Variants in TAPT1 observed in about 807,000 individuals in gnomAD.
TAPT1 encodes the protein transmembrane anterior posterior transformation protein 1 homolog.
TAPT1 carries 28 observed loss-of-function variants against 65.6 expected under a neutral mutation model. The observed-to-expected ratio is 0.43, with a 90% CI of 0.32 to 0.59. The LOEUF (loss-of-function observed/expected upper bound fraction) is 0.59, where lower values mean the gene tolerates loss of function less well. TAPT1 is among the 20% of genes least tolerant of loss of function. The pLI is 0.09. For missense variants in TAPT1, 563 were observed against 679.9 expected (o/e 0.83, Z 1.91); for synonymous variants, 278 against 245.2 (o/e 1.13, Z -1.25).
Position 16,188,319 on chromosome 4 carries a change from T to C in TAPT1, c.649A>G (p.Ile217Val), listed in dbSNP as rs761241174. The C allele has an allele frequency of 3.7e-6, 6 of 1,603,782 alleles. No individual in the cohort carries two copies. Among genetic ancestry groups the C allele is most frequent in the Admixed American group, 1.7e-5 (1 of 58,484 alleles). Residue 217 changes from isoleucine to valine, a missense_variant, in exon 5 of 14, where the codon ATA becomes GTA. Physicochemically the swap from Ile to Val is conservative, Grantham distance 29. Coordinates refer to ENST00000405303, the MANE Select transcript of TAPT1 (RefSeq NM_153365.3). The stretch of plus-strand genomic sequence containing the variant: ...GCTGTCCAATAGAGAGCATCTAATA[T>C]GTCTTGTCCAAAAGATGAAAACAGA... ...DRLFSSFGQDILDALYWTATE... is the reference protein window; with the variant it reads ...DRLFSSFGQDVLDALYWTATE...
chr4:16,187,526 A>T (rs959379157), intron 5 of TAPT1, among the ~76,000 whole-genome samples: 7 of 152,146 alleles, frequency 4.6e-5, no homozygotes, highest in Admixed American at 3.9e-4. Context: ...TTACCCTCAC[A>T]GGTATCTTCC....
intron 4 of TAPT1, among the ~76,000 whole-genome samples, chr4:16,189,824 G>A (rs58468710): frequency 0.066 from 10,094 of 152,244 alleles, 1,034 homozygotes; most frequent in African/African-American, 0.22. Context: ...CCTTGAGAGG[G>A]CTTTGTAAGT....
At chr4:16,170,753 A>G (rs942545422) in intron 11 of TAPT1, 24 bp from the exon 12 acceptor site, 1 of 1,556,492 alleles carries the variant, frequency 6.4e-7, no homozygotes, top group Non-Finnish European at 8.9e-7. Context: ...AACCAAAACA[A>G]CAAAAACACA....
intron 2 of TAPT1, among the ~76,000 whole-genome samples, chr4:16,205,234 G>A (rs149020224): frequency 3.9e-5 from 6 of 152,312 alleles, no homozygotes; most frequent in African/African-American, 7.2e-5. Flanking sequence ...TAAAATGAAA[G>A]AAGCATAATG....
Position 16,176,143 on chromosome 4 carries a change from A to T in TAPT1, c.1083T>A (p.Thr361=). The change falls in exon 9 of 14, where the codon ACT becomes ACA. Residue 361 remains threonine (T), a synonymous_variant. Coordinates refer to ENST00000405303, the MANE Select transcript of TAPT1 (RefSeq NM_153365.3). ...CATCTGCAGTAATGTCATTGAATTTAGTAATAAAGGCATGTTTTACAATAT... is the reference window on the plus strand; with the variant it reads ...CATCTGCAGTAATGTCATTGAATTTTGTAATAAAGGCATGTTTTACAATAT... ...AVDIVKHAFI[T]KFNDITADVY... 6.4e-7 allele frequency: 1 copy of T among 1,553,174 alleles called. No homozygotes were observed. The highest frequency in any genetic ancestry group is 8.7e-7 in the Non-Finnish European group (1 of 1,144,298).
chr4:16,180,621 T>C (rs1466661153), intron 7 of TAPT1, among the ~76,000 whole-genome samples: 1 of 152,190 alleles, frequency 6.6e-6, no homozygotes, highest in African/African-American at 2.4e-5. Flanking sequence ...CATGGGACTG[T>C]CTTTGCTTCT....
upstream of TAPT1, chr4:16,227,280 A>G: frequency 2.2e-6 from 1 of 455,470 alleles, no homozygotes; most frequent in Non-Finnish European, 4.4e-6. Flanking sequence ...GGGTTAGGAG[A>G]CAGCCCTTGG....
chr4:16,224,396 G>A (rs1751431109), intron 1 of TAPT1, among the ~76,000 whole-genome samples: 6 of 152,198 alleles, frequency 3.9e-5, no homozygotes, highest in Admixed American at 2.6e-4. Flanking sequence ...GCTAGCAGTG[G>A]CAGGAGCTAT....
intron 12 of TAPT1, among the ~76,000 whole-genome samples, chr4:16,168,112 T>C (rs1301751354): frequency 1.6e-5 from 2 of 127,744 alleles, no homozygotes; most frequent in African/African-American, 3.5e-5. Context: ...AGTGAAGAAG[T>C]TGGTTTTCTT....
chr4:16,169,063 G>A (rs1747823909), intron 12 of TAPT1, among the ~76,000 whole-genome samples: 1 of 152,224 alleles, frequency 6.6e-6, no homozygotes, highest in Non-Finnish European at 1.5e-5. Flanking sequence ...CATGGACAAG[G>A]TAGTTTTGAG....
intron 3 of TAPT1, among the ~76,000 whole-genome samples, chr4:16,202,075 A>C (rs996041075): frequency 5.9e-5 from 9 of 152,146 alleles, no homozygotes; most frequent in Admixed American, 5.2e-4. Context: ...TCCAGCCTAG[A>C]ACCCTGTCCT....
At chr4:16,216,472 C>A (rs1051171927) in intron 1 of TAPT1, among the ~76,000 whole-genome samples, 1 of 152,178 alleles carries the variant, frequency 6.6e-6, no homozygotes, top group African/African-American at 2.4e-5. Flanking sequence ...GTCATATTTC[C>A]AACAGCCTCC....
chr4:16,216,916 G>A (rs1031218310), intron 1 of TAPT1, among the ~76,000 whole-genome samples: 5 of 152,086 alleles, frequency 3.3e-5, no homozygotes, highest in Admixed American at 1.3e-4. Flanking sequence ...TTCTCAGTGC[G>A]GGCCATCCCA....
chr4:16,220,070 A>G (rs767458659), intron 1 of TAPT1, among the ~76,000 whole-genome samples: 2 of 152,196 alleles, frequency 1.3e-5, no homozygotes, highest in Non-Finnish European at 2.9e-5. Flanking sequence ...AGCGCCACTC[A>G]ATCTCCAGTG....
At chr4:16,196,203 A>C (rs369372827) in intron 3 of TAPT1, among the ~76,000 whole-genome samples, 5 of 152,258 alleles carry the variant, frequency 3.3e-5, no homozygotes, top group African/African-American at 1.2e-4. Flanking sequence ...AGTTTGACTC[A>C]TATGTAACAG....
intron 4 of TAPT1, 137 bp downstream of exon 4, chr4:16,191,224 T>C (rs1560169245): frequency 2.4e-6 from 2 of 838,024 alleles, no homozygotes; most frequent in Non-Finnish European, 1.8e-6. Context: ...AGCCCCCAAG[T>C]GATGACAGCA....
intron 1 of TAPT1, among the ~76,000 whole-genome samples, chr4:16,221,030 A>G (rs938018933): frequency 6.6e-6 from 1 of 152,046 alleles, no homozygotes; most frequent in East Asian, 1.9e-4. Flanking sequence ...TACCGTGCCC[A>G]GCCGTCAACT....
At chr4:16,168,018 T>A (rs911718451) in intron 12 of TAPT1, among the ~76,000 whole-genome samples, 1 of 152,150 alleles carries the variant, frequency 6.6e-6, no homozygotes, top group Non-Finnish European at 1.5e-5. Flanking sequence ...AGAATATGAA[T>A]ATTTTAAGGC....
intron 2 of TAPT1, among the ~76,000 whole-genome samples, chr4:16,207,052 G>A (rs1750389158): frequency 6.6e-6 from 1 of 152,210 alleles, no homozygotes; most frequent in African/African-American, 2.4e-5. Flanking sequence ...GAGATTCTGA[G>A]ACATGTGGAT....
Sources: gnomAD v4.1 joint callset for allele counts (sites outside exome capture counted in the v4.1 genomes callset) on GRCh38, gnomAD v4.1.1 for gene constraint, MANE v1.5 for transcripts, NCBI Gene and HGNC (gene_info 2026-07-23, HGNC 2026-07-21) for gene names.